NDUFB3: variants seen among roughly 807,000 people sequenced by gnomAD.
NDUFB3 encodes the protein NADH:ubiquinone oxidoreductase subunit B3.
Under a neutral mutation model 9.0 loss-of-function variants are expected in NDUFB3, and 7 were observed. The ratio of observed to expected loss-of-function variants is 0.78; its 90% CI spans 0.44 to 1.46. The LOEUF (loss-of-function observed/expected upper bound fraction) is 1.46, where lower values mean the gene tolerates loss of function less well. NDUFB3 is among the 40% of genes most tolerant of loss of function. NDUFB3 has a pLI of 0.01. For missense variants in NDUFB3, 93 were observed against 115.4 expected (o/e 0.81, Z 0.89); for synonymous variants, 29 against 38.5 (o/e 0.75, Z 0.91).
intron 2 of NDUFB3, among the ~76,000 whole-genome samples, chr2:201,084,385 G>A (rs1214271445): frequency 6.6e-6 from 1 of 151,930 alleles, no homozygotes; most frequent in African/African-American, 2.4e-5. Context: ...GCTTGAACCT[G>A]GGAGGCAGAG....
chr2:201,079,984 T>A (rs891791651), intron 2 of NDUFB3: 3 of 152,210 alleles, frequency 2.0e-5, no homozygotes, highest in African/African-American at 4.8e-5. Context: ...TTCTGAATAA[T>A]GTCTTTCAGA....
chr2:201,079,072 G>A (rs779795397), intron 2 of NDUFB3, 50 bp downstream of exon 2: 8 of 1,543,322 alleles, frequency 5.2e-6, no homozygotes, highest in East Asian at 2.3e-5. Flanking sequence ...AGAATCAAGT[G>A]TCTATGTTGC....
intron 1 of NDUFB3, among the ~76,000 whole-genome samples, chr2:201,078,251 A>G (rs752155839): frequency 6.6e-6 from 1 of 152,124 alleles, no homozygotes; most frequent in African/African-American, 2.4e-5. Context: ...GCAGTGAGCC[A>G]AGATTGCACC....
intron 1 of NDUFB3, among the ~76,000 whole-genome samples, chr2:201,075,634 A>G (rs1409083244): frequency 6.6e-6 from 1 of 151,648 alleles, no homozygotes; most frequent in Non-Finnish European, 1.5e-5. Flanking sequence ...TGAAATAATT[A>G]GGTAGAAGAG....
chr2:201,081,026 T>G (rs1357636081), intron 2 of NDUFB3, among the ~76,000 whole-genome samples: 2 of 151,976 alleles, frequency 1.3e-5, no homozygotes, highest in African/African-American at 4.8e-5. Context: ...TGTAAAAAAT[T>G]GTTTTAGCTA....
intron 2 of NDUFB3, among the ~76,000 whole-genome samples, chr2:201,084,733 A>C (rs998174439): frequency 6.6e-6 from 1 of 152,164 alleles, no homozygotes; most frequent in African/African-American, 2.4e-5. Flanking sequence ...TTGGTATCCC[A>C]ATTAGATTTA....
chr2:201,085,448 T>A lies in NDUFB3; in HGVS notation c.141-11T>A. 6.3e-7 allele frequency: 1 copy of A among 1,581,464 alleles called. No individual in the cohort carries two copies. The highest frequency in any genetic ancestry group is 8.6e-7 in the Non-Finnish European group (1 of 1,168,722). On this transcript the variant is annotated splice_polypyrimidine_tract_variant and intron_variant, in intron 2 of 2. Transcript: ENST00000237889. The stretch of plus-strand genomic sequence containing the variant: ...GTGTATGATTATAATTTTTTCTTTT[T>A]TTTTTTCTAGCAATGAAGCTTGGAG...
At chr2:201,076,992 C>T (rs141955624) in intron 1 of NDUFB3, among the ~76,000 whole-genome samples, 9 of 151,918 alleles carry the variant, frequency 5.9e-5, no homozygotes, top group Non-Finnish European at 1.2e-4. Context: ...CCCAGCCACT[C>T]AGGAGGCTGA....
At chr2:201,083,416 G>A (rs143190166) in intron 2 of NDUFB3, among the ~76,000 whole-genome samples, 4,423 of 148,072 alleles carry the variant, frequency 0.03, 107 homozygotes, top group Middle Eastern at 0.09. Context: ...GTGCAATGGC[G>A]AGATCTTGGC....
At chr2:201,081,592 C>T (rs67917463) in intron 2 of NDUFB3, among the ~76,000 whole-genome samples, 49,649 of 151,968 alleles carry the variant, frequency 0.33, 10,957 homozygotes, top group African/African-American at 0.63. Context: ...TATTGCTTTA[C>T]GTACAGGTCT....
intron 1 of NDUFB3, among the ~76,000 whole-genome samples, chr2:201,073,463 G>T (rs1575540602): frequency 6.6e-6 from 1 of 152,204 alleles, no homozygotes; most frequent in African/African-American, 2.4e-5. Context: ...GGCTATAAAG[G>T]TTCTTTTAAA....
chr2:201,074,454 CTTTTT>C (rs370282012), intron 1 of NDUFB3, among the ~76,000 whole-genome samples: 1 of 113,194 alleles, frequency 8.8e-6, no homozygotes, highest in Non-Finnish European at 1.8e-5. Flanking sequence ...ATATGTTCAG[CTTTTT>C]TTTTTTTTTT....
At chr2:201,079,756 A>T (rs1395196313) in intron 2 of NDUFB3, 3 of 152,182 alleles carry the variant, frequency 2.0e-5, no homozygotes, top group Non-Finnish European at 2.9e-5. Flanking sequence ...TTAAAATTTT[A>T]AAATCGACTT....
At chr2:201,081,935 C>T (rs1239598918) in intron 2 of NDUFB3, among the ~76,000 whole-genome samples, 2 of 152,004 alleles carry the variant, frequency 1.3e-5, no homozygotes, top group Admixed American at 6.6e-5. Flanking sequence ...CCTGCCTCAG[C>T]CTCCCGAGTA....
At chr2:201,084,288 TC>T (rs2047264739) in intron 2 of NDUFB3, among the ~76,000 whole-genome samples, 1 of 138,456 alleles carries the variant, frequency 7.2e-6, no homozygotes, top group African/African-American at 2.7e-5. Context: ...AGACTCCATC[TC>T]AAAAAAAAAA....
chr2:201,084,161 G>A (rs1400221058), intron 2 of NDUFB3, among the ~76,000 whole-genome samples: 5 of 152,120 alleles, frequency 3.3e-5, no homozygotes, highest in Admixed American at 3.3e-4. Flanking sequence ...GTGGTGGTGT[G>A]CGCCTATAAT....
chr2:201,081,980 T>G (rs751391532), intron 2 of NDUFB3, among the ~76,000 whole-genome samples: 1 of 151,946 alleles, frequency 6.6e-6, no homozygotes, highest in Non-Finnish European at 1.5e-5. Context: ...TATGCCCGGC[T>G]AATTTTTTGT....
At chr2:201,082,980 T>C (rs969383712) in intron 2 of NDUFB3, among the ~76,000 whole-genome samples, 42 of 152,140 alleles carry the variant, frequency 2.8e-4, no homozygotes, top group Non-Finnish European at 5.1e-4. Flanking sequence ...CCCAAAGTGC[T>C]GGGATTACAG....
In NDUFB3 at chr2:201,080,230, C is replaced by A. The variant is rs569926568; in HGVS notation, c.140+1208C>A. ...ACCATTTATTAAAAAATTATTGTAC[C>A]TCCGTTGAATTACCTTAATAATGTT... is the stretch of plus-strand genomic sequence containing the variant. On this transcript the variant is annotated intron_variant, in intron 2 of 2. Transcript: ENST00000237889. Among the ~76,000 whole-genome samples the A allele has an allele frequency of 3.9e-5, 6 of 152,124 alleles. No individual in the cohort carries two copies. The South Asian group carries it at 1.2e-3, about 32-fold the overall frequency.
Sources: gnomAD v4.1 joint callset for allele counts (sites outside exome capture counted in the v4.1 genomes callset) on GRCh38, gnomAD v4.1.1 for gene constraint, MANE v1.5 for transcripts, NCBI Gene and HGNC (gene_info 2026-07-23, HGNC 2026-07-21) for gene names.